INPP4B: variants seen among roughly 807,000 people sequenced by gnomAD.
INPP4B encodes the protein inositol polyphosphate 4-phosphatase type II.
In INPP4B, 55 loss-of-function variants were observed where a neutral mutation model predicts 122.5. The observed-to-expected ratio is 0.45, with a 90% CI of 0.36 to 0.56. The LOEUF (loss-of-function observed/expected upper bound fraction) is 0.56. INPP4B is among the 20% of genes least tolerant of loss of function. The pLI is 0.00. For synonymous variants in INPP4B, 403 were observed against 388.7 expected, an observed-to-expected ratio of 1.04 and a Z score of -0.43; for missense variants, 1,000 against 1,097.7, an observed-to-expected ratio of 0.91 and a Z score of 1.26.
intron 1 of INPP4B, among the ~76,000 whole-genome samples, chr4:142,760,953 AC>A (rs1771245795): frequency 6.6e-6 from 1 of 152,108 alleles, no homozygotes; most frequent in Non-Finnish European, 1.5e-5. Flanking sequence ...CCCAAAATGA[AC>A]ACTAGACCTA....
At chr4:142,114,441 A>T (rs1791901887) in intron 21 of INPP4B, among the ~76,000 whole-genome samples, 1 of 152,020 alleles carries the variant, frequency 6.6e-6, no homozygotes, top group Admixed American at 6.6e-5. Flanking sequence ...CCTCACCAAC[A>T]TTTGCTCTTA....
intron 1 of INPP4B, among the ~76,000 whole-genome samples, chr4:142,821,816 G>A (rs1780829066): frequency 6.6e-6 from 1 of 152,140 alleles, no homozygotes; most frequent in South Asian, 2.1e-4. Flanking sequence ...ACAGCAGTCT[G>A]TATTTCAGTT....
At chr4:142,342,416 G>T (rs1222635760) in intron 7 of INPP4B, among the ~76,000 whole-genome samples, 2 of 152,068 alleles carry the variant, frequency 1.3e-5, no homozygotes, top group Non-Finnish European at 2.9e-5. Flanking sequence ...ACAAAATTGA[G>T]AAATAAAAGA....
At chr4:142,144,971 T>G (rs934644926) in intron 18 of INPP4B, among the ~76,000 whole-genome samples, 10 of 152,170 alleles carry the variant, frequency 6.6e-5, no homozygotes, top group African/African-American at 2.4e-4. Context: ...TAGGGTAGTA[T>G]TGCTTATTCT....
intron 2 of INPP4B, among the ~76,000 whole-genome samples, chr4:142,583,285 C>T (rs935123894): frequency 2.6e-5 from 4 of 152,116 alleles, no homozygotes; most frequent in African/African-American, 9.7e-5. Context: ...CAGATGCTGT[C>T]AACTATGTTT....
At chr4:142,606,497 T>G (rs1381512934) in intron 2 of INPP4B, among the ~76,000 whole-genome samples, 1 of 151,918 alleles carries the variant, frequency 6.6e-6, no homozygotes, top group Non-Finnish European at 1.5e-5. Flanking sequence ...TCTTTGCATA[T>G]AAAAACACTC....
chr4:142,487,235 T>C (rs1821311265), intron 2 of INPP4B, among the ~76,000 whole-genome samples: 1 of 152,310 alleles, frequency 6.6e-6, no homozygotes, highest in East Asian at 1.9e-4. Flanking sequence ...CCCAGCCATA[T>C]GGAACTGTAA....
intron 7 of INPP4B, among the ~76,000 whole-genome samples, chr4:142,380,114 G>A (rs765586446): frequency 1.2e-4 from 19 of 152,184 alleles, no homozygotes; most frequent in Admixed American, 3.3e-4. Flanking sequence ...CTTGACTGGC[G>A]TTAGCAGGAG....
intron 2 of INPP4B, among the ~76,000 whole-genome samples, chr4:142,532,214 GC>G (rs1827698439): frequency 6.6e-6 from 1 of 152,094 alleles, no homozygotes; most frequent in African/African-American, 2.4e-5. Flanking sequence ...CCACTTGAGG[GC>G]CTGCATATGC....
In INPP4B at chr4:142,644,175, A is replaced by T. The variant is rs560479752; in HGVS notation, c.-191+81664T>A. ...GACTACACCACTGCACTCCAGCAGC[A>T]TAGGTGACAGAGTGAGACTGTCTCA... On this transcript the variant is annotated intron_variant, in intron 2 of 25. Coordinates refer to ENST00000262992, the MANE Select transcript of INPP4B (RefSeq NM_001101669.3). 2.0e-5 allele frequency among the ~76,000 whole-genome samples: 3 copies of T among 151,680 alleles called. No homozygotes were observed. In the East Asian group the frequency reaches 5.8e-4, roughly 29 times the overall value.
intron 1 of INPP4B, among the ~76,000 whole-genome samples, chr4:142,833,602 A>AG (rs1253046161): frequency 6.6e-6 from 1 of 152,030 alleles, no homozygotes; most frequent in South Asian, 2.1e-4. Context: ...CAATATATGG[A>AG]GAAAAAAAAG....
At chr4:142,325,414 G>A (rs1400774588) in intron 7 of INPP4B, among the ~76,000 whole-genome samples, 1 of 152,168 alleles carries the variant, frequency 6.6e-6, no homozygotes, top group Non-Finnish European at 1.5e-5. Flanking sequence ...CCTTTGGTAA[G>A]ACTAGAGCTT....
intron 2 of INPP4B, among the ~76,000 whole-genome samples, chr4:142,695,497 A>C (rs1760902538): frequency 1.3e-5 from 2 of 152,212 alleles, no homozygotes; most frequent in African/African-American, 4.8e-5. Flanking sequence ...TGTGCTTTTC[A>C]AGCAAAGGAT....
intron 7 of INPP4B, among the ~76,000 whole-genome samples, chr4:142,365,501 T>G (rs983543363): frequency 4.6e-5 from 7 of 152,204 alleles, no homozygotes; most frequent in African/African-American, 1.7e-4. Context: ...TTTAAGCTTT[T>G]AGATTCCTTC....
chr4:142,295,743 T>C (rs1758412627), intron 9 of INPP4B, among the ~76,000 whole-genome samples: 1 of 149,118 alleles, frequency 6.7e-6, no homozygotes, highest in Admixed American at 6.7e-5. Context: ...TCCCTTTTTT[T>C]TTTCTTTTCT....
chr4:142,843,191 A>T (rs781368107), intron 1 of INPP4B, among the ~76,000 whole-genome samples: 16 of 150,852 alleles, frequency 1.1e-4, no homozygotes, highest in Non-Finnish European at 1.6e-4. Flanking sequence ...GAACACAAAG[A>T]CTACATGTAT....
intron 1 of INPP4B, among the ~76,000 whole-genome samples, chr4:142,842,162 C>T (rs1783576266): frequency 6.6e-6 from 1 of 151,740 alleles, no homozygotes; most frequent in Non-Finnish European, 1.5e-5. Context: ...CAAATTACTG[C>T]CAATTCTATT....
At chr4:142,747,451 AAG>A (rs1768934695) in intron 1 of INPP4B, among the ~76,000 whole-genome samples, 1 of 152,162 alleles carries the variant, frequency 6.6e-6, no homozygotes, top group Non-Finnish European at 1.5e-5. Context: ...GCCATTGTGG[AAG>A]AGAGTGTGGT....
chr4:142,539,763 A>G (rs1828714723), intron 2 of INPP4B, among the ~76,000 whole-genome samples: 1 of 151,978 alleles, frequency 6.6e-6, no homozygotes, highest in South Asian at 2.1e-4. Flanking sequence ...ATATTATTAA[A>G]TTAAAGAGTT....
Sources: allele counts gnomAD v4.1 joint callset (sites outside exome capture counted in the v4.1 genomes callset), GRCh38; gene constraint gnomAD v4.1.1; transcripts MANE v1.5; gene names NCBI Gene and HGNC (gene_info 2026-07-23, HGNC 2026-07-21).